SLC8A1: variants seen among roughly 807,000 people sequenced by gnomAD.
The protein encoded by SLC8A1 is solute carrier family 8 member A1, also known as sodium/calcium exchanger 1.
A neutral mutation model predicts 68.3 loss-of-function variants in SLC8A1; 18 were observed. The ratio of observed to expected loss-of-function variants is 0.26; its 90% CI spans 0.18 to 0.39. The LOEUF (loss-of-function observed/expected upper bound fraction) is 0.39, where lower values mean the gene tolerates loss of function less well. Ranked by LOEUF, SLC8A1 falls within the 10% of genes least tolerant of loss-of-function variation. The probability of loss-of-function intolerance (pLI) is 1.00; values close to 1 mark genes in which losing one functional copy is unlikely to be tolerated. For missense variants in SLC8A1, 985 were observed against 1,156.7 expected (o/e 0.85, Z 2.15); for synonymous variants, 475 against 415.5 (o/e 1.14, Z -1.74).
At chr2:40,252,781 C>T (rs2062977332) in intron 2 of SLC8A1, among the ~76,000 whole-genome samples, 1 of 151,024 alleles carries the variant, frequency 6.6e-6, no homozygotes, top group Non-Finnish European at 1.5e-5. Context: ...AATGTTAGCA[C>T]ATATATATAT....
intron 4 of SLC8A1, among the ~76,000 whole-genome samples, chr2:40,168,579 T>A (rs1265052344): frequency 2.0e-5 from 3 of 152,218 alleles, no homozygotes; most frequent in African/African-American, 4.8e-5. Context: ...CAAGTCTAAT[T>A]TTTAACAAAA....
intron 2 of SLC8A1, among the ~76,000 whole-genome samples, chr2:40,388,003 C>G (rs1478682624): frequency 6.6e-6 from 1 of 150,606 alleles, no homozygotes; most frequent in African/African-American, 2.4e-5. Context: ...TCTCTCATAC[C>G]AGTTAATCAA....
At chr2:40,379,129 C>T (rs1371786731) in intron 2 of SLC8A1, among the ~76,000 whole-genome samples, 1 of 152,020 alleles carries the variant, frequency 6.6e-6, no homozygotes, top group East Asian at 1.9e-4. Flanking sequence ...AATGCAAATA[C>T]CTAAAATCCC....
chr2:40,208,828 C>A (rs932239279), intron 2 of SLC8A1, among the ~76,000 whole-genome samples: 2 of 152,092 alleles, frequency 1.3e-5, no homozygotes, highest in African/African-American at 4.8e-5. Flanking sequence ...GGCTTTAATG[C>A]ACTTTAAAGA....
intron 2 of SLC8A1, chr2:40,251,383 G>A (rs2062725316): frequency 6.6e-6 from 1 of 152,176 alleles, no homozygotes. Context: ...CTTCATTGTT[G>A]TGTGGCATGC....
At chr2:40,111,069 T>C (rs749938468) in exon 8 of SLC8A1, 1 of 152,188 alleles carries the variant, frequency 6.6e-6, no homozygotes, top group African/African-American at 2.4e-5. Flanking sequence ...ATCAGAATTT[T>C]TGCAGGGTTT....
chr2:40,200,689 C>G (rs1193439678), intron 2 of SLC8A1, among the ~76,000 whole-genome samples: 9 of 151,634 alleles, frequency 5.9e-5, no homozygotes, highest in Non-Finnish European at 8.8e-5. Flanking sequence ...TAGTAAAAGG[C>G]CAAATGAAGA....
At chr2:40,274,149 C>T (rs1305856979) in intron 2 of SLC8A1, among the ~76,000 whole-genome samples, 1 of 149,884 alleles carries the variant, frequency 6.7e-6, no homozygotes, top group East Asian at 2.0e-4. Flanking sequence ...TGGAACAGCC[C>T]TTGTGGATGG....
intron 2 of SLC8A1, among the ~76,000 whole-genome samples, chr2:40,372,865 G>C (rs75847185): frequency 0.025 from 3,809 of 152,094 alleles, 61 homozygotes; most frequent in Non-Finnish European, 0.038. Context: ...GTTAACATAG[G>C]GAGGGATAGC....
intron 1 of SLC8A1, among the ~76,000 whole-genome samples, chr2:40,445,806 A>G (rs1279708288): frequency 1.3e-5 from 2 of 152,190 alleles, no homozygotes; most frequent in East Asian, 3.9e-4. Flanking sequence ...CATATCCCCC[A>G]ACATTTGAAA....
chr2:40,305,481 T>C (rs1002662316), intron 2 of SLC8A1, among the ~76,000 whole-genome samples: 2 of 152,192 alleles, frequency 1.3e-5, no homozygotes, highest in Non-Finnish European at 2.9e-5. Flanking sequence ...GAGACAAATA[T>C]ATAAATTAAT....
chr2:40,490,174 C>A (rs1705222542), intron 1 of SLC8A1, among the ~76,000 whole-genome samples: 1 of 152,082 alleles, frequency 6.6e-6, no homozygotes, highest in Admixed American at 6.6e-5. Flanking sequence ...AAACATCAAT[C>A]ATTTGGAATA....
At chr2:40,244,131 C>T in intron 2 of SLC8A1, among the ~76,000 whole-genome samples, 1 of 152,122 alleles carries the variant, frequency 6.6e-6, no homozygotes, top group East Asian at 1.9e-4. Flanking sequence ...ACCAGATCAC[C>T]TCCTCTAAGC....
intron 1 of SLC8A1, among the ~76,000 whole-genome samples, chr2:40,445,531 T>C (rs1374215517): frequency 6.6e-6 from 1 of 152,356 alleles, no homozygotes; most frequent in Non-Finnish European, 1.5e-5. Flanking sequence ...CCTATTTCAG[T>C]CTTATAAAAT....
intron 2 of SLC8A1, among the ~76,000 whole-genome samples, chr2:40,185,527 A>G (rs1347241842): frequency 6.6e-6 from 1 of 152,164 alleles, no homozygotes; most frequent in African/African-American, 2.4e-5. Flanking sequence ...GTTATAGGAA[A>G]AGTCCAGAAT....
rs570940845 is a variant in SLC8A1, at chr2:40,333,266, G to A, written c.1808+95207C>T. Among the ~76,000 whole-genome samples, 257 of 151,974 alleles carry A rather than the reference G, an allele frequency of 1.7e-3. 1 individual carries two copies. The highest frequency in any genetic ancestry group is 5.8e-3 in the South Asian group (28 of 4,804). ...ATCCTGGCTAACACGGTGAAACTTC[G>A]TCTCTACTAAAAATACGAAAAATTT... On this transcript the variant is annotated intron_variant, in intron 2 of 7. Coordinates refer to ENST00000406785, the Ensembl canonical transcript of SLC8A1.
chr2:40,330,201 A>G (rs946961889), intron 2 of SLC8A1, among the ~76,000 whole-genome samples: 4 of 152,176 alleles, frequency 2.6e-5, no homozygotes, highest in African/African-American at 7.2e-5. Flanking sequence ...AGAAGGTACC[A>G]TATTTTTCCA....
chr2:40,373,539 T>C (rs943437050), intron 2 of SLC8A1, among the ~76,000 whole-genome samples: 2 of 152,132 alleles, frequency 1.3e-5, no homozygotes, highest in African/African-American at 4.8e-5. Context: ...GAGTATCTAT[T>C]TTAAGCTAGG....
At chr2:40,285,951 A>G (rs1294725941) in intron 2 of SLC8A1, among the ~76,000 whole-genome samples, 1 of 152,162 alleles carries the variant, frequency 6.6e-6, no homozygotes, top group Non-Finnish European at 1.5e-5. Flanking sequence ...TGCCAAAATG[A>G]TGTTTGAAAT....
Sources: allele counts gnomAD v4.1 joint callset (sites outside exome capture counted in the v4.1 genomes callset), GRCh38; gene constraint gnomAD v4.1.1; transcripts MANE v1.5; gene names NCBI Gene and HGNC (gene_info 2026-07-23, HGNC 2026-07-21).